Variants in TAF1 observed in about 807,000 individuals in gnomAD.
The protein encoded by TAF1 is transcription initiation factor TFIID subunit 1.
A neutral mutation model predicts 138.5 loss-of-function variants in TAF1; 2 were observed. That is an observed-to-expected ratio of 0.01 (90% CI 0.01 to 0.05). The LOEUF (loss-of-function observed/expected upper bound fraction) is 0.05. TAF1 is among the 10% of genes least tolerant of loss of function. The pLI is 1.00. For synonymous variants in TAF1, 437 were observed against 503.2 expected, an observed-to-expected ratio of 0.87 and a Z score of 1.76; for missense variants, 709 against 1,478.0, an observed-to-expected ratio of 0.48 and a Z score of 8.53.
chrX:71,529,482 C>A (rs2047569751), intron 14 of TAF1: 1 of 224,202 alleles, frequency 4.5e-6, no homozygotes, highest in Non-Finnish European at 8.2e-6. Flanking sequence ...TTCTCCAAGT[C>A]CCCACCCAAC....
At chrX:71,469,001 A>ACAAAG (rs1253765754), downstream of TAF1, among the ~76,000 whole-genome samples, 2 of 111,344 alleles carry the variant, frequency 1.8e-5, no homozygotes, top group East Asian at 5.6e-4. Context: ...ACAAAACAAA[A>ACAAAG]CAAAGCAAAA....
chrX:71,377,555 C>T (rs2033566815), intron 5 of TAF1, 48 bp from the exon 6 acceptor site: 2 of 1,171,162 alleles, frequency 1.7e-6, no homozygotes, highest in African/African-American at 1.8e-5. Flanking sequence ...CTGCTGTTTT[C>T]CCATCTGACT....
intron 30 of TAF1, 39 bp from the exon 31 acceptor site, chrX:71,423,935 G>T: frequency 1.9e-6 from 2 of 1,069,693 alleles, no homozygotes; most frequent in Non-Finnish European, 2.6e-6. Flanking sequence ...CGTATGAAGA[G>T]TGGTTTCCAT....
chrX:71,529,656 A>C (rs1187778113), intron 14 of TAF1: 3 of 331,765 alleles, frequency 9.0e-6, no homozygotes, highest in African/African-American at 7.9e-5. Flanking sequence ...CCTTGAAGTG[A>C]AGATGCAAGT....
chrX:71,506,767 G>C (rs1189291472), intron 13 of TAF1, among the ~76,000 whole-genome samples: 1 of 110,229 alleles, frequency 9.1e-6, no homozygotes, highest in Non-Finnish European at 1.9e-5. Flanking sequence ...GAAAAGAATT[G>C]AAAACAAGTA....
chrX:71,511,100 T>C (rs2039723133), intron 13 of TAF1, among the ~76,000 whole-genome samples: 1 of 109,102 alleles, frequency 9.2e-6, no homozygotes, highest in African/African-American at 3.4e-5. Flanking sequence ...TGAAACTCTG[T>C]CTCAAAAATA....
chrX:71,454,664 T>C, intron 33 of TAF1, 77 bp from the exon 34 acceptor site: 12 of 825,486 alleles, frequency 1.5e-5, no homozygotes, highest in Non-Finnish European at 1.9e-5. Context: ...AAGATAGATA[T>C]TTTTGTCTTT....
At chrX:71,481,514 C>T (rs2039071788) in intron 13 of TAF1, among the ~76,000 whole-genome samples, 2 of 111,879 alleles carry the variant, frequency 1.8e-5, no homozygotes, top group African/African-American at 6.5e-5. Context: ...AACTATATGT[C>T]ATTCCGTGAG....
intron 13 of TAF1, among the ~76,000 whole-genome samples, chrX:71,477,311 GAC>G (rs924976840): frequency 8.3e-5 from 9 of 108,211 alleles, no homozygotes; most frequent in Non-Finnish European, 1.5e-4. Context: ...TTTTTTTTGA[GAC>G]AGAGTCTCAC....
At chrX:71,376,658 C>G (rs968235384) in intron 4 of TAF1, among the ~76,000 whole-genome samples, 1 of 105,220 alleles carries the variant, frequency 9.5e-6, no homozygotes, top group Admixed American at 1.0e-4. Context: ...CAGAGCAAGA[C>G]TCTGTCTCAA....
intron 13 of TAF1, among the ~76,000 whole-genome samples, chrX:71,488,292 G>A (rs1267588256): frequency 3.0e-5 from 3 of 98,708 alleles, no homozygotes; most frequent in African/African-American, 1.1e-4. Flanking sequence ...TGCCCAGGGT[G>A]GAGTGCAGTG....
chrX:71,477,051 G>C (rs1162997733), intron 13 of TAF1, among the ~76,000 whole-genome samples: 1 of 108,681 alleles, frequency 9.2e-6, no homozygotes. Context: ...TGATTCTCCT[G>C]TCTCAGCCTC....
At chrX:71,436,152 G>A (rs764720991) in intron 32 of TAF1, among the ~76,000 whole-genome samples, 1 of 95,815 alleles carries the variant, frequency 1.0e-5, no homozygotes, top group South Asian at 5.3e-4. Flanking sequence ...GGCTCAAGCT[G>A]TCCTCCCACC....
downstream of TAF1, among the ~76,000 whole-genome samples, chrX:71,468,457 G>A (rs1015100350): frequency 9.1e-6 from 1 of 109,589 alleles, no homozygotes; most frequent in African/African-American, 3.3e-5. Flanking sequence ...GGAGGCTGGC[G>A]TGGGCGGATC....
intron 3 of TAF1, among the ~76,000 whole-genome samples, chrX:71,372,982 T>G (rs113719877): frequency 1.8e-5 from 2 of 109,625 alleles, no homozygotes; most frequent in East Asian, 5.7e-4. Context: ...TTATCCGGCC[T>G]CAGTCTCCGG....
chrX:71,500,789 G>A (rs780490387), intron 13 of TAF1, among the ~76,000 whole-genome samples: 14 of 110,634 alleles, frequency 1.3e-4, no homozygotes, highest in East Asian at 2.8e-4. Context: ...AAGGCTGGGC[G>A]CGGTGGCTCA....
intron 32 of TAF1, among the ~76,000 whole-genome samples, chrX:71,425,484 T>C (rs910744310): frequency 9.0e-5 from 10 of 110,696 alleles, no homozygotes; most frequent in African/African-American, 3.3e-4. Context: ...AAAAAACTTA[T>C]AAACAAAAGC....
intron 25 of TAF1, among the ~76,000 whole-genome samples, chrX:71,403,911 CTTT>C (rs34947744): frequency 1.2e-5 from 1 of 86,207 alleles, no homozygotes; most frequent in African/African-American, 4.2e-5. Context: ...TTTTTTTTTT[CTTT>C]TTTTTTTTTT....
At chrX:71,500,357 A>G (rs1255896627) in intron 13 of TAF1, among the ~76,000 whole-genome samples, 1 of 111,084 alleles carries the variant, frequency 9.0e-6, no homozygotes, top group Non-Finnish European at 1.9e-5. Context: ...GAGAGAGAAT[A>G]TTGGGGCCAG....
Sources: gnomAD v4.1 joint callset for allele counts (sites outside exome capture counted in the v4.1 genomes callset) on GRCh38, gnomAD v4.1.1 for gene constraint, MANE v1.5 for transcripts, NCBI Gene and HGNC (gene_info 2026-07-23, HGNC 2026-07-21) for gene names.